The following DDX6 variants were observed in gnomAD, a reference collection of about 807,000 sequenced individuals.
The protein encoded by DDX6 is DEAD-box helicase 6.
DDX6 carries 7 observed loss-of-function variants against 60.6 expected under a neutral mutation model. That is an observed-to-expected ratio of 0.12 (90% CI 0.07 to 0.22). DDX6 has a LOEUF of 0.22. Among genes scored for constraint, DDX6 ranks in the 10% least tolerant of loss-of-function variants. DDX6 has a pLI of 1.00. For missense variants in DDX6, 270 were observed against 589.9 expected (o/e 0.46, Z 5.62); for synonymous variants, 207 against 201.0 (o/e 1.03, Z -0.25).
chr11:118,756,937 G>A (rs1555159092), intron 10 of DDX6, among the ~76,000 whole-genome samples: 1 of 152,292 alleles, frequency 6.6e-6, no homozygotes, highest in Non-Finnish European at 1.5e-5. Context: ...AGCTTCCAAA[G>A]TACTCATTTA....
chr11:118,775,683 T>C (rs1448808480), intron 4 of DDX6, among the ~76,000 whole-genome samples: 17 of 152,358 alleles, frequency 1.1e-4, no homozygotes, highest in African/African-American at 3.6e-4. Context: ...AGAGTACTTA[T>C]TTCTACTTTA....
intron 4 of DDX6, among the ~76,000 whole-genome samples, chr11:118,778,854 C>T (rs1295625425): frequency 6.6e-6 from 1 of 151,954 alleles, no homozygotes; most frequent in East Asian, 1.9e-4. Context: ...TTGGGAATAT[C>T]ACAAAATCCC....
At chr11:118,772,596 A>G (rs1225044658) in intron 4 of DDX6, among the ~76,000 whole-genome samples, 3 of 152,180 alleles carry the variant, frequency 2.0e-5, no homozygotes, top group Non-Finnish European at 4.4e-5. Flanking sequence ...TAAATGCACT[A>G]AAAAGCATTA....
At chr11:118,754,354 C>T (rs1183026510) in intron 13 of DDX6, among the ~76,000 whole-genome samples, 4 of 152,338 alleles carry the variant, frequency 2.6e-5, no homozygotes, top group Non-Finnish European at 5.9e-5. Flanking sequence ...CTGCAGTGAG[C>T]TATGATTGCA....
rs75500509 is a variant in DDX6, at chr11:118,771,849, T to C, written c.370-3497A>G. On this transcript the variant is annotated intron_variant, in intron 4 of 13. Transcript: ENST00000534980. ...AACTCTCATACACTGCTAGTGGGAA[T>C]GTACAGCTACGCTGGAAACCAGCCT... Among the ~76,000 whole-genome samples the C allele has an allele frequency of 8.1e-3, 1,230 of 152,330 alleles. 70 individuals are homozygous for C. The East Asian group carries it at 0.14, about 17-fold the overall frequency.
At chr11:118,764,529 G>A (rs1263610867) in intron 6 of DDX6, among the ~76,000 whole-genome samples, 1 of 152,088 alleles carries the variant, frequency 6.6e-6, no homozygotes, top group Non-Finnish European at 1.5e-5. Context: ...TTATGGCCGG[G>A]CACGGTGGCT....
chr11:118,768,458 C>T, intron 4 of DDX6, 106 bp from the exon 5 acceptor site: 1 of 1,151,628 alleles, frequency 8.7e-7, no homozygotes, highest in Non-Finnish European at 1.2e-6. Flanking sequence ...CTTTAAGTGT[C>T]CTAAGTATCC....
intron 2 of DDX6, among the ~76,000 whole-genome samples, chr11:118,781,518 G>A (rs1555164703): frequency 6.6e-6 from 1 of 152,152 alleles, no homozygotes; most frequent in Non-Finnish European, 1.5e-5. Flanking sequence ...TTTAAAAACT[G>A]TAAGATTTTA....
intron 4 of DDX6, among the ~76,000 whole-genome samples, chr11:118,773,007 T>C (rs1861584885): frequency 6.6e-6 from 1 of 152,196 alleles, no homozygotes; most frequent in Non-Finnish European, 1.5e-5. Flanking sequence ...CTATCTCAAT[T>C]CTTAGTCATT....
Position 118,791,160 on chromosome 11 carries a change from C to T in DDX6, c.-330G>A, listed in dbSNP as rs565239531. On this transcript the variant is annotated 5_prime_UTR_variant, in exon 1 of 14. Coordinates refer to ENST00000534980, the MANE Select transcript of DDX6 (RefSeq NM_004397.6). ...GCCGCCTGGCTGAGCTAACTCGGCTCCTCTGCCCCCTCCCTCGCTCGCCCG... is the reference window on the plus strand; with the variant it reads ...GCCGCCTGGCTGAGCTAACTCGGCTTCTCTGCCCCCTCCCTCGCTCGCCCG... 6.6e-6 allele frequency: 1 copy of T among 152,404 alleles called. No individual in the cohort carries two copies. The highest frequency in any genetic ancestry group is 6.5e-5 in the Admixed American group (1 of 15,280). 9.4% of individuals were successfully genotyped at this position (152,404 alleles called of 1,614,324 possible).
chr11:118,752,525 C>T (rs1333614313), intron 13 of DDX6, among the ~76,000 whole-genome samples: 2 of 152,088 alleles, frequency 1.3e-5, no homozygotes, highest in African/African-American at 2.4e-5. Flanking sequence ...GTAATCTCAG[C>T]ACTCTGGGAG....
At position 118,751,699 on chromosome 11, in the gene DDX6, A is replaced by G; in HGVS notation, c.*406T>C. 3.6e-6 allele frequency: 1 copy of G among 276,178 alleles called. No homozygotes were observed. The allele number at this position is 276,178 out of a possible 1,614,324, so 17.1% of individuals were successfully genotyped here. A position where few individuals can be genotyped will look rare whatever the true frequency, so the allele number is the denominator to read the frequency against. On this transcript the variant is annotated 3_prime_UTR_variant, in exon 14 of 14. Transcript: ENST00000534980. ...CTTCAGGCTTAAAAAACGGATGAGG[A>G]ATCAGGGAGAAGTTGAAATGCACGA... is the stretch of plus-strand genomic sequence containing the variant.
chr11:118,755,288 G>A (rs1555158465), intron 12 of DDX6, 114 bp downstream of exon 12: 2 of 648,694 alleles, frequency 3.1e-6, no homozygotes, highest in Non-Finnish European at 5.5e-6. Flanking sequence ...CTGAATTACT[G>A]TTAATTCACT....
chr11:118,757,029 C>G (rs1204737008), intron 10 of DDX6, 142 bp downstream of exon 10: 1 of 452,360 alleles, frequency 2.2e-6, no homozygotes, highest in African/African-American at 2.0e-5. Flanking sequence ...GAAAATTGAA[C>G]CTGAGGGAGG....
chr11:118,791,082 G>A lies in DDX6; in HGVS notation c.-268+16C>T, dbSNP rs1267904740. ...AGCCGCCCGAGCCGCCGGCTCCCCC[G>A]GCTGTCCAGCCCTACCTCCTCCGCT... On this transcript the variant is annotated intron_variant, in intron 1 of 13. Coordinates refer to ENST00000534980, the MANE Select transcript of DDX6 (RefSeq NM_004397.6). The A allele has an allele frequency of 1.5e-5, 2 of 135,172 alleles. No homozygotes were observed. The highest frequency in any genetic ancestry group is 3.1e-5 in the Non-Finnish European group (2 of 64,428). The allele number at this position is 135,172 out of a possible 1,614,324, so 8.4% of individuals were successfully genotyped here.
intron 2 of DDX6, 182 bp downstream of exon 2, chr11:118,785,870 C>A (rs1820769791): frequency 3.9e-6 from 2 of 516,150 alleles, no homozygotes; most frequent in Non-Finnish European, 6.5e-6. Flanking sequence ...ACTTGCTGAA[C>A]AAATTATGGC....
At chr11:118,770,060 CTT>C (rs1279997891) in intron 4 of DDX6, among the ~76,000 whole-genome samples, 2 of 150,894 alleles carry the variant, frequency 1.3e-5, no homozygotes, top group Non-Finnish European at 2.9e-5. Flanking sequence ...GAGTTTCGCT[CTT>C]GTCACTCAGG....
Position 118,750,205 on chromosome 11 carries a change from C to CTTTCCAGATGCCTCCT in DDX6, c.*1884_*1899dup, listed in dbSNP as rs1555156874. On this transcript the variant is annotated 3_prime_UTR_variant, in exon 14 of 14. Transcript: ENST00000534980. ...TTTTGTTTTTTGCTTTTTTCCCCCC[C>CTTTCCAGATGCCTCCT]TTTCCAGATGCCTCCTGATTGACCT... The CTTTCCAGATGCCTCCT allele has an allele frequency of 6.6e-6, 1 of 152,130 alleles. No homozygotes were observed. The highest frequency in any genetic ancestry group is 2.4e-5 in the African/African-American group (1 of 41,266). 9.4% of individuals were successfully genotyped at this position (152,130 alleles called of 1,614,324 possible). A position where few individuals can be genotyped will look rare whatever the true frequency, so the allele number is the denominator to read the frequency against.
Position 118,751,808 on chromosome 11 carries a change from C to A in DDX6, c.*297G>T. The A allele has an allele frequency of 2.6e-6, 1 of 391,496 alleles. No individual in the cohort carries two copies. Among genetic ancestry groups the A allele is most frequent in the Non-Finnish European group, 4.9e-6 (1 of 202,798 alleles). The allele number at this position is 391,496 out of a possible 1,614,324, so 24.3% of individuals were successfully genotyped here. On this transcript the variant is annotated 3_prime_UTR_variant, in exon 14 of 14. Transcript: ENST00000534980. ...TTCTCTTTTTAGGGTTTCTCCCCTTCTCTTCTTTCTTTTCCTTCCTTGTCC... is the reference window on the plus strand; with the variant it reads ...TTCTCTTTTTAGGGTTTCTCCCCTTATCTTCTTTCTTTTCCTTCCTTGTCC...
Sources: gnomAD v4.1 joint callset for allele counts (sites outside exome capture counted in the v4.1 genomes callset) on GRCh38, gnomAD v4.1.1 for gene constraint, MANE v1.5 for transcripts, NCBI Gene and HGNC (gene_info 2026-07-23, HGNC 2026-07-21) for gene names.